The following ADCY3 variants were observed in gnomAD, a reference collection of about 807,000 sequenced individuals.
The protein encoded by ADCY3 is adenylate cyclase type 3.
Under a neutral mutation model 119.4 loss-of-function variants are expected in ADCY3, and 70 were observed. The observed-to-expected ratio is 0.59, with a 90% CI of 0.48 to 0.72. The LOEUF is 0.72. ADCY3 is among the 30% of genes least tolerant of loss of function. The pLI, the probability that ADCY3 is intolerant of heterozygous loss-of-function variation, is 0.00. For synonymous variants in ADCY3, 672 were observed against 621.4 expected (o/e 1.08, Z -1.21); for missense variants, 1,238 against 1,541.6 (o/e 0.80, Z 3.30).
intron 21 of ADCY3, 57 bp downstream of exon 21, chr2:24,820,667 T>C: frequency 6.2e-7 from 1 of 1,607,440 alleles, no homozygotes; most frequent in East Asian, 2.2e-5. Context: ...AAAGCACTGT[T>C]CCGGTTTTGT....
At chr2:24,822,852 G>A (rs1355380796) in intron 18 of ADCY3, among the ~76,000 whole-genome samples, 5 of 152,198 alleles carry the variant, frequency 3.3e-5, no homozygotes, top group African/African-American at 1.2e-4. Context: ...AAAATCGGCA[G>A]TCTCCTAGGG....
intron 2 of ADCY3, among the ~76,000 whole-genome samples, chr2:24,908,860 C>T (rs1207942516): frequency 1.3e-5 from 2 of 151,374 alleles, no homozygotes; most frequent in Non-Finnish European, 2.9e-5. Context: ...CGGCAGGAAG[C>T]AGGGGCGGGT....
At chr2:24,858,170 T>C (rs1296722194) in intron 3 of ADCY3, among the ~76,000 whole-genome samples, 3 of 149,742 alleles carry the variant, frequency 2.0e-5, no homozygotes, top group African/African-American at 7.6e-5. Context: ...CCTGGATTTT[T>C]TTTAAGTTTT....
intron 8 of ADCY3, among the ~76,000 whole-genome samples, chr2:24,837,983 C>G (rs890071741): frequency 2.6e-5 from 4 of 152,044 alleles, no homozygotes; most frequent in East Asian, 1.9e-4. Flanking sequence ...TCTATTACTT[C>G]TATCTCATTC....
intron 2 of ADCY3, among the ~76,000 whole-genome samples, chr2:24,917,714 C>T (rs780782080): frequency 5.5e-4 from 84 of 152,158 alleles, no homozygotes; most frequent in Non-Finnish European, 7.1e-4. Flanking sequence ...AGTGGGGAGA[C>T]CACCATTCTC....
At chr2:24,839,460 C>T (rs1000111061) in intron 7 of ADCY3, among the ~76,000 whole-genome samples, 13 of 152,204 alleles carry the variant, frequency 8.5e-5, no homozygotes, top group Admixed American at 4.6e-4. Flanking sequence ...GGCGTGTAAT[C>T]GCACTGCGAC....
rs1678563387 is a variant in ADCY3, at chr2:24,898,661, A to G, written c.675+19652T>C. Among the ~76,000 whole-genome samples, 1 of 152,158 alleles carries G rather than the reference A, an allele frequency of 6.6e-6. No individual in the cohort carries two copies. Among genetic ancestry groups the G allele is most frequent in the Non-Finnish European group, 1.5e-5 (1 of 68,018 alleles). On this transcript the variant is annotated intron_variant, in intron 2 of 21. Coordinates refer to ENST00000679454, the MANE Select transcript of ADCY3 (RefSeq NM_004036.5). This position sits in a 1 kb window ranked among gnomAD's most constrained non-coding sequence, Gnocchi z 4.3. ...CCTCTGACTTCCTTTCCACAAAGCA[A>G]AGGAGCAGAAGCCACAGGTCCCAGG...
chr2:24,879,904 A>G (rs1676188950), intron 2 of ADCY3, among the ~76,000 whole-genome samples: 2 of 152,214 alleles, frequency 1.3e-5, no homozygotes, highest in Admixed American at 6.5e-5. Context: ...GGCAGGTGGG[A>G]AGGAGGAGTC....
rs1336996944 is a variant in ADCY3, at chr2:24,842,501, G to A, written c.826-117C>T. ...AGAAACGTGAGCAGGGAACCATGCT[G>A]CCCTCCAGAGAGACCTCACAGATCT... On this transcript the variant is annotated intron_variant, in intron 3 of 21. Coordinates refer to ENST00000679454, the MANE Select transcript of ADCY3 (RefSeq NM_004036.5). This position sits in a 1 kb window ranked among gnomAD's most constrained non-coding sequence, Gnocchi z 4.9. 17 of 1,326,118 alleles carry A rather than the reference G, an allele frequency of 1.3e-5. No homozygotes were observed. In the Admixed American group the frequency reaches 3.4e-4, roughly 26 times the overall value. The allele number at this position is 1,326,118 out of a possible 1,614,324, so 82.1% of individuals were successfully genotyped here.
At chr2:24,887,992 AG>A (rs1677262924) in intron 2 of ADCY3, among the ~76,000 whole-genome samples, 3 of 152,178 alleles carry the variant, frequency 2.0e-5, no homozygotes, top group South Asian at 4.1e-4. Context: ...GAGTGAGTCA[AG>A]GTCATTTTCA....
Position 24,830,791 on chromosome 2 carries a change from C to G in ADCY3, c.2090G>C (p.Trp697Ser). 6.2e-7 allele frequency: 1 copy of G among 1,614,040 alleles called. No individual in the cohort carries two copies. The highest frequency in any genetic ancestry group is 1.6e-4 in the Middle Eastern group (1 of 6,062). ...CCTGGCCCAGCGGGTCCGGTCAATC[C>G]AAGTTGAGAAGGCCACAAGCTTCTT... ...FPKKLVAFST[W>S]IDRTRWARNT... Residue 697 changes from tryptophan to serine, a missense_variant, in exon 13 of 22, where the codon TGG (tryptophan) becomes TCG (serine). Coordinates refer to ENST00000679454, the MANE Select transcript of ADCY3 (RefSeq NM_004036.5).
chr2:24,825,750 A>G, intron 16 of ADCY3: 1 of 418,864 alleles, frequency 2.4e-6, no homozygotes, highest in Non-Finnish European at 4.3e-6. Context: ...GGCCTAGGGG[A>G]TATTGATTTG....
chr2:24,849,774 G>A (rs983672538), intron 3 of ADCY3, among the ~76,000 whole-genome samples: 15 of 152,150 alleles, frequency 9.9e-5, no homozygotes, highest in Non-Finnish European at 2.2e-4. Context: ...TCTGGGAGAC[G>A]AAGGCCCACG....
intron 2 of ADCY3, among the ~76,000 whole-genome samples, chr2:24,902,316 A>G (rs1238710016): frequency 6.6e-6 from 1 of 152,058 alleles, no homozygotes; most frequent in Non-Finnish European, 1.5e-5. Flanking sequence ...CCTGGGCTCA[A>G]GCGATCCTCC....
intron 2 of ADCY3, among the ~76,000 whole-genome samples, chr2:24,884,500 G>A (rs895070103): frequency 8.0e-6 from 1 of 125,768 alleles, no homozygotes; most frequent in African/African-American, 3.9e-5. Context: ...TTTTGAGACG[G>A]AGTCTCACTC....
At chr2:24,839,495 G>A (rs570837824) in intron 7 of ADCY3, among the ~76,000 whole-genome samples, 1 of 152,326 alleles carries the variant, frequency 6.6e-6, no homozygotes, top group African/African-American at 2.4e-5. Context: ...CTGCGAGCCC[G>A]CTAGCTGATG....
chr2:24,834,480 C>T lies in ADCY3; in HGVS notation c.1967+5G>A, dbSNP rs1670021212. 6.3e-7 allele frequency: 1 copy of T among 1,596,850 alleles called. No homozygotes were observed. ...ACTCGTGGCCCTCCCCGGCCCCTCC[C>T]TCACCAGGGGTCGATGAGTATCTCG... On this transcript the variant is annotated splice_donor_5th_base_variant and intron_variant, in intron 11 of 21. Coordinates refer to ENST00000679454, the MANE Select transcript of ADCY3 (RefSeq NM_004036.5). The surrounding 1 kb of genome is among the most constrained non-coding windows in gnomAD (Gnocchi z 4.2).
At chr2:24,882,291 C>A (rs1676493279) in intron 2 of ADCY3, among the ~76,000 whole-genome samples, 1 of 152,194 alleles carries the variant, frequency 6.6e-6, no homozygotes, top group Non-Finnish European at 1.5e-5. Flanking sequence ...TCAAATGTAG[C>A]ATCTTATCCT....
intron 7 of ADCY3, chr2:24,838,923 G>A: frequency 1.3e-6 from 2 of 1,491,900 alleles, no homozygotes; most frequent in South Asian, 1.2e-5. Flanking sequence ...CTGTAAAGCA[G>A]ATCAAATGCG....
Sources: gnomAD v4.1 joint callset for allele counts (sites outside exome capture counted in the v4.1 genomes callset) on GRCh38, gnomAD v4.1.1 for gene constraint, Gnocchi (gnomAD v3.1) non-coding constraint, MANE v1.5 for transcripts, NCBI Gene and HGNC (gene_info 2026-07-23, HGNC 2026-07-21) for gene names.